Variants in GABRB3 observed in about 807,000 individuals in gnomAD.
GABRB3 encodes the protein gamma-aminobutyric acid type A receptor subunit beta3.
In GABRB3, 14 loss-of-function variants were observed where a neutral mutation model predicts 52.1. The observed-to-expected ratio is 0.27, with a 90% CI of 0.18 to 0.42. The LOEUF (loss-of-function observed/expected upper bound fraction) is 0.42, where lower values mean the gene tolerates loss of function less well. GABRB3 is among the 10% of genes least tolerant of loss of function. The probability of loss-of-function intolerance (pLI) is 1.00; values close to 1 mark genes in which losing one functional copy is unlikely to be tolerated. For synonymous variants in GABRB3, 260 were observed against 232.3 expected, an observed-to-expected ratio of 1.12 and a Z score of -1.08; for missense variants, 307 against 609.1, an observed-to-expected ratio of 0.50 and a Z score of 5.22.
intron 3 of GABRB3, among the ~76,000 whole-genome samples, chr15:26,670,158 C>A (rs1478716078): frequency 6.6e-6 from 1 of 152,204 alleles, no homozygotes; most frequent in African/African-American, 2.4e-5. Flanking sequence ...GCGCGGAGAC[C>A]GCTACGCCCC....
rs1345660942 is a variant in GABRB3, at chr15:26,547,121, A to C, written c.*672T>G. On this transcript the variant is annotated 3_prime_UTR_variant, in exon 9 of 9. Coordinates refer to ENST00000311550, the MANE Select transcript of GABRB3 (RefSeq NM_000814.6). ...TCAAAAGACGGTCGTTCAGACATCA[A>C]CGTGGGATCTATCTATGTTTCAGAC... 1 of 164,534 alleles carries C rather than the reference A, an allele frequency of 6.1e-6. No homozygotes were observed. The highest frequency in any genetic ancestry group is 1.3e-5 in the Non-Finnish European group (1 of 76,728). 10.2% of individuals were successfully genotyped at this position (164,534 alleles called of 1,614,324 possible).
rs564369289 is a variant in GABRB3 at position 26,728,121 on chromosome 15, G to A, written c.240+44281C>T. On this transcript the variant is annotated intron_variant, in intron 3 of 8. Coordinates refer to ENST00000311550, the MANE Select transcript of GABRB3 (RefSeq NM_000814.6). The stretch of plus-strand genomic sequence containing the variant: ...TGCATCTAAAGGTAACATTTAAACA[G>A]GAAGTGAGACATTCCTCCAGGGAAA... Among the ~76,000 whole-genome samples, 4 of 152,272 alleles carry A rather than the reference G, an allele frequency of 2.6e-5. 1 individual carries two copies. In the South Asian group the frequency reaches 8.3e-4, roughly 32 times the overall value.
At chr15:26,711,140 C>G (rs955173883) in intron 3 of GABRB3, among the ~76,000 whole-genome samples, 1 of 152,192 alleles carries the variant, frequency 6.6e-6, no homozygotes, top group African/African-American at 2.4e-5. Context: ...CCACCATCTT[C>G]CCTTTGGAAT....
intron 3 of GABRB3, among the ~76,000 whole-genome samples, chr15:26,716,050 C>T (rs1356304924): frequency 6.6e-6 from 1 of 152,188 alleles, no homozygotes; most frequent in Non-Finnish European, 1.5e-5. Flanking sequence ...TTCCCCACAC[C>T]TTCTAAAGCA....
intron 3 of GABRB3, among the ~76,000 whole-genome samples, chr15:26,739,506 A>G (rs1296757830): frequency 6.6e-6 from 1 of 152,112 alleles, no homozygotes; most frequent in African/African-American, 2.4e-5. Flanking sequence ...TGAGTGAATT[A>G]ATGCATTAAT....
intron 3 of GABRB3, among the ~76,000 whole-genome samples, chr15:26,651,935 T>C (rs1887209247): frequency 6.6e-6 from 1 of 152,200 alleles, no homozygotes; most frequent in Non-Finnish European, 1.5e-5. Context: ...GTAGTGCATC[T>C]CCATTCATGC....
chr15:26,607,100 C>A (rs4906681), intron 4 of GABRB3, among the ~76,000 whole-genome samples: 74,571 of 151,822 alleles, frequency 0.49, 19,416 homozygotes, highest in Non-Finnish European at 0.59. Context: ...TTCTGTACCT[C>A]ACTTCTGATT....
At chr15:26,627,778 A>G (rs926706365) in intron 3 of GABRB3, among the ~76,000 whole-genome samples, 8 of 152,230 alleles carry the variant, frequency 5.3e-5, no homozygotes, top group Non-Finnish European at 1.0e-4. Context: ...CATTGTTGCA[A>G]TGACAACAAA....
At chr15:26,624,651 G>GA (rs1296000787) in intron 3 of GABRB3, 5 of 985,382 alleles carry the variant, frequency 5.1e-6, no homozygotes, top group East Asian at 2.3e-4. Flanking sequence ...CAGCAAGAGG[G>GA]AAAAAACAGT....
intron 3 of GABRB3, among the ~76,000 whole-genome samples, chr15:26,635,276 G>A (rs137960315): frequency 9.2e-5 from 14 of 151,834 alleles, no homozygotes; most frequent in South Asian, 8.3e-4. Flanking sequence ...GGAGACTGGC[G>A]AGTGATTCAT....
intron 4 of GABRB3, among the ~76,000 whole-genome samples, chr15:26,605,774 G>A (rs1246766684): frequency 6.6e-6 from 1 of 152,084 alleles, no homozygotes; most frequent in Non-Finnish European, 1.5e-5. Flanking sequence ...AGTGTAGTGG[G>A]GGTACAGGGA....
At chr15:26,657,652 T>C (rs114461751) in intron 3 of GABRB3, among the ~76,000 whole-genome samples, 1 of 152,176 alleles carries the variant, frequency 6.6e-6, no homozygotes, top group Non-Finnish European at 1.5e-5. Flanking sequence ...AGAAGTATCA[T>C]CTCCAGTTCA....
intron 4 of GABRB3, among the ~76,000 whole-genome samples, chr15:26,600,799 A>G (rs1891558097): frequency 6.6e-6 from 1 of 152,244 alleles, no homozygotes; most frequent in African/African-American, 2.4e-5. Flanking sequence ...ATAAAACTCA[A>G]TGATATAAGT....
At chr15:26,740,524 G>A (rs1054541471) in intron 3 of GABRB3, among the ~76,000 whole-genome samples, 5 of 151,998 alleles carry the variant, frequency 3.3e-5, no homozygotes, top group Non-Finnish European at 5.9e-5. Context: ...ACTGCAGCCC[G>A]AAAGCACCTG....
chr15:26,552,110 G>A lies in GABRB3; in HGVS notation c.1081-3976C>T, dbSNP rs141143102. Among the ~76,000 whole-genome samples the A allele has an allele frequency of 9.0e-3, 1,362 of 152,100 alleles. 37 individuals carry two copies. Among genetic ancestry groups the A allele is most frequent in the Admixed American group, 0.057 (864 of 15,264 alleles). ...CAACCTCCTCCTCCTGGGTTCAAGC[G>A]ATTCTCCTTGCCTCAGCCTCCCAAG... On this transcript the variant is annotated intron_variant, in intron 8 of 8. Transcript: ENST00000311550.
chr15:26,645,325 C>G (rs1893319441), intron 3 of GABRB3, among the ~76,000 whole-genome samples: 1 of 152,180 alleles, frequency 6.6e-6, no homozygotes, highest in Non-Finnish European at 1.5e-5. Context: ...CAGTACATAT[C>G]TGGATGTGTG....
intron 3 of GABRB3, among the ~76,000 whole-genome samples, chr15:26,640,677 C>T (rs565943314): frequency 2.0e-4 from 30 of 152,244 alleles, no homozygotes; most frequent in East Asian, 1.5e-3. Context: ...AGCAGCTAGA[C>T]GATTTTTACT....
At chr15:26,597,919 A>T (rs891710667) in intron 4 of GABRB3, among the ~76,000 whole-genome samples, 4 of 152,248 alleles carry the variant, frequency 2.6e-5, no homozygotes, top group Non-Finnish European at 5.9e-5. Context: ...AGAAAGTAGA[A>T]GGCAGAGAGG....
At chr15:26,555,437 A>C (rs1236866833) in intron 8 of GABRB3, among the ~76,000 whole-genome samples, 1 of 152,182 alleles carries the variant, frequency 6.6e-6, no homozygotes, top group African/African-American at 2.4e-5. Context: ...GTATGAATCC[A>C]TGTCCTGTCT....
Sources: allele counts gnomAD v4.1 joint callset (sites outside exome capture counted in the v4.1 genomes callset), GRCh38; gene constraint gnomAD v4.1.1; transcripts MANE v1.5; gene names NCBI Gene and HGNC (gene_info 2026-07-23, HGNC 2026-07-21).